Variants in CDC42BPA observed in about 807,000 individuals in gnomAD.
CDC42BPA encodes the protein CDC42 binding protein kinase alpha, also known as serine/threonine-protein kinase MRCK alpha.
CDC42BPA carries 80 observed loss-of-function variants against 223.5 expected under a neutral mutation model. The ratio of observed to expected loss-of-function variants is 0.36; its 90% CI spans 0.30 to 0.43. The LOEUF is 0.43. Ranked by LOEUF, CDC42BPA falls within the 20% of genes least tolerant of loss-of-function variation. The pLI is 1.00. For synonymous variants in CDC42BPA, 694 were observed against 718.6 expected (o/e 0.97, Z 0.55); for missense variants, 1,743 against 2,099.9 (o/e 0.83, Z 3.32).
chr1:227,135,025 T>C (rs1258218550), intron 10 of CDC42BPA, among the ~76,000 whole-genome samples: 2 of 152,208 alleles, frequency 1.3e-5, no homozygotes, highest in East Asian at 1.9e-4. Context: ...GTTGGGAAAG[T>C]GAGCCAGGGA....
chr1:227,086,821 C>T (rs1448684204), intron 16 of CDC42BPA, among the ~76,000 whole-genome samples: 1 of 151,832 alleles, frequency 6.6e-6, no homozygotes, highest in African/African-American at 2.4e-5. Flanking sequence ...GCATGCACCA[C>T]CTCACCCAGC....
chr1:227,168,497 G>GTGTGTTTTTTTTT (rs1302291274), intron 5 of CDC42BPA, among the ~76,000 whole-genome samples: 1 of 80,196 alleles, frequency 1.2e-5, no homozygotes, highest in African/African-American at 5.0e-5. Context: ...CTTCCCTGGT[G>GTGTGTTTTTTTTT]TTTTTTTTTT....
intron 2 of CDC42BPA, among the ~76,000 whole-genome samples, chr1:227,232,307 T>C (rs1221711427): frequency 1.3e-5 from 2 of 152,162 alleles, no homozygotes; most frequent in African/African-American, 4.8e-5. Context: ...TGGTATTATT[T>C]CTAGGGGCTC....
chr1:227,197,098 G>C (rs1482840877), intron 4 of CDC42BPA, among the ~76,000 whole-genome samples: 2 of 152,084 alleles, frequency 1.3e-5, no homozygotes, highest in African/African-American at 2.4e-5. Flanking sequence ...GTAGTAAGTA[G>C]GTTAGAAATG....
intron 34 of CDC42BPA, among the ~76,000 whole-genome samples, chr1:227,008,103 A>G (rs1334770040): frequency 2.0e-5 from 3 of 152,208 alleles, no homozygotes; most frequent in Admixed American, 6.5e-5. Flanking sequence ...CAACAACACT[A>G]AACTCTCCAG....
intron 2 of CDC42BPA, among the ~76,000 whole-genome samples, chr1:227,226,255 T>C (rs1446201624): frequency 6.6e-6 from 1 of 152,192 alleles, no homozygotes; most frequent in East Asian, 1.9e-4. Context: ...TACTCCGAGA[T>C]TCCAAGTCAG....
chr1:227,140,186 T>G (rs1385496221), intron 9 of CDC42BPA, among the ~76,000 whole-genome samples: 2 of 152,144 alleles, frequency 1.3e-5, no homozygotes, highest in Non-Finnish European at 2.9e-5. Context: ...ATAAAAATGC[T>G]GAAACTGCTG....
chr1:227,082,485 C>T (rs1017332417), intron 16 of CDC42BPA, among the ~76,000 whole-genome samples: 3 of 151,780 alleles, frequency 2.0e-5, no homozygotes, highest in South Asian at 2.1e-4. Flanking sequence ...GAGGCTGAGA[C>T]GGGTGGATCA....
At chr1:227,301,463 G>C (rs7548118) in intron 1 of CDC42BPA, among the ~76,000 whole-genome samples, 1 of 151,782 alleles carries the variant, frequency 6.6e-6, no homozygotes, top group Non-Finnish European at 1.5e-5. Flanking sequence ...GGGTTCAAGC[G>C]ATTCTCCTGC....
At chr1:227,047,785 T>C (rs1672748601) in intron 23 of CDC42BPA, 142 bp downstream of exon 23, 3 of 545,626 alleles carry the variant, frequency 5.5e-6, no homozygotes, top group Non-Finnish European at 6.6e-6. Context: ...TGGTGATTAT[T>C]TGCATTCACA....
At chr1:227,297,799 G>A (rs1010487706) in intron 1 of CDC42BPA, among the ~76,000 whole-genome samples, 20 of 151,894 alleles carry the variant, frequency 1.3e-4, no homozygotes, top group South Asian at 4.2e-4. Context: ...AGAATGTAGA[G>A]TTGTTGGTTA....
chr1:227,010,985 T>A (rs1369368829), intron 34 of CDC42BPA: 1 of 1,362,444 alleles, frequency 7.3e-7, no homozygotes. Flanking sequence ...TTAACAGTCA[T>A]GTGATAGATG....
intron 16 of CDC42BPA, among the ~76,000 whole-genome samples, chr1:227,081,287 T>G (rs1479079066): frequency 6.6e-6 from 1 of 152,060 alleles, no homozygotes; most frequent in East Asian, 1.9e-4. Flanking sequence ...ATAGCTTTTT[T>G]TTTTCTCCAA....
At chr1:226,997,800 A>C (rs1192605493) in intron 35 of CDC42BPA, among the ~76,000 whole-genome samples, 2 of 152,160 alleles carry the variant, frequency 1.3e-5, no homozygotes, top group Non-Finnish European at 2.9e-5. Flanking sequence ...ATTTGATTGC[A>C]CTGTGGTCTG....
intron 1 of CDC42BPA, among the ~76,000 whole-genome samples, chr1:227,276,945 CG>C (rs1422920039): frequency 6.6e-6 from 1 of 151,938 alleles, no homozygotes; most frequent in Admixed American, 6.5e-5. Flanking sequence ...TGCGGAAGGC[CG>C]CAGGGTCCTC....
At chr1:226,996,686 C>T (rs538265623) in intron 35 of CDC42BPA, among the ~76,000 whole-genome samples, 3 of 152,278 alleles carry the variant, frequency 2.0e-5, no homozygotes, top group South Asian at 2.1e-4. Context: ...TGAATTTTAT[C>T]AAAGGCCTTT....
intron 2 of CDC42BPA, among the ~76,000 whole-genome samples, chr1:227,253,212 GAGGAGAGAGAGAGGA>G (rs1682342866): frequency 6.6e-6 from 1 of 151,668 alleles, no homozygotes; most frequent in Non-Finnish European, 1.5e-5. Context: ...AGAGAAGAGA[GAGGAGAGAGAGAGGA>G]GGGAGAGAGA....
At chr1:227,197,184 T>C (rs1411818519) in intron 4 of CDC42BPA, among the ~76,000 whole-genome samples, 1 of 152,188 alleles carries the variant, frequency 6.6e-6, no homozygotes, top group African/African-American at 2.4e-5. Flanking sequence ...TTAAAAGCTA[T>C]CAGGGTTAAA....
At chr1:227,040,005 A>T in intron 24 of CDC42BPA, 126 bp downstream of exon 24, 1 of 684,060 alleles carries the variant, frequency 1.5e-6, no homozygotes, top group Non-Finnish European at 2.6e-6. Flanking sequence ...GATTATTTCC[A>T]TTCCTGTTAT....
Sources: allele counts gnomAD v4.1 joint callset (sites outside exome capture counted in the v4.1 genomes callset), GRCh38; gene constraint gnomAD v4.1.1; transcripts MANE v1.5; gene names NCBI Gene and HGNC (gene_info 2026-07-23, HGNC 2026-07-21).